Variants in AEN observed in about 807,000 individuals in gnomAD.
AEN encodes the protein apoptosis enhancing nuclease.
A neutral mutation model predicts 17.7 loss-of-function variants in AEN; 21 were observed. The ratio of observed to expected loss-of-function variants is 1.19; its 90% CI spans 0.84 to 1.71. The LOEUF (loss-of-function observed/expected upper bound fraction) is 1.71. AEN is among the 40% of genes most tolerant of loss of function. The pLI is 0.00. For missense variants in AEN, 462 were observed against 435.9 expected, an observed-to-expected ratio of 1.06 and a Z score of -0.53; for synonymous variants, 190 against 173.0, an observed-to-expected ratio of 1.10 and a Z score of -0.77.
At chr15:88,624,908 T>C (rs1202795607) in intron 1 of AEN, among the ~76,000 whole-genome samples, 1 of 146,974 alleles carries the variant, frequency 6.8e-6, no homozygotes, top group Non-Finnish European at 1.5e-5. Context: ...TAAACCCTGC[T>C]CTGCCTGACT....
At chr15:88,608,367 A>T in the AEN span, among the ~76,000 whole-genome samples, 1 of 152,314 alleles carries the variant, frequency 6.6e-6, no homozygotes, top group Non-Finnish European at 1.5e-5. Context: ...TTACTTCAAC[A>T]TACCTGCCTT....
In AEN at chr15:88,629,385, C is replaced by G; in HGVS notation, c.700C>G (p.Leu234Val). ...CCTCCACACCCGGGCCCGGGTCTCT[C>G]TAAAGGACCTGGCCCTGCAGCTGCT... is the stretch of plus-strand genomic sequence containing the variant. ...PGLHTRARVS[L>V]KDLALQLLHK... The change falls in exon 3 of 4, where the codon CTA (leucine) becomes GTA (valine). Residue 234 changes from leucine (L) to valine (V), a missense_variant. Coordinates refer to ENST00000332810, the MANE Select transcript of AEN (RefSeq NM_022767.4). The G allele has an allele frequency of 6.2e-7, 1 of 1,614,142 alleles. No individual in the cohort carries two copies. The highest frequency in any genetic ancestry group is 1.1e-5 in the South Asian group (1 of 91,084).
At chr15:88,623,260 A>G (rs2057810583) in intron 1 of AEN, among the ~76,000 whole-genome samples, 1 of 152,176 alleles carries the variant, frequency 6.6e-6, no homozygotes, top group Admixed American at 6.5e-5. Context: ...CCTGGAAAGG[A>G]TGGGATGAGC....
upstream of AEN, chr15:88,621,184 T>C (rs966991587): frequency 1.3e-5 from 2 of 152,302 alleles, no homozygotes; most frequent in Non-Finnish European, 2.9e-5. Context: ...TTACGCCCTC[T>C]TCAGGAGTCC....
chr15:88,624,883 C>CAAAAAAAA (rs10701067), intron 1 of AEN, among the ~76,000 whole-genome samples: 219 of 148,592 alleles, frequency 1.5e-3, no homozygotes, highest in East Asian at 3.6e-3. Flanking sequence ...AACTCCGCCT[C>CAAAAAAAA]AAAAAATGCC....
chr15:88,608,097 A>T, the AEN span: 4 of 525,208 alleles, frequency 7.6e-6, no homozygotes, highest in South Asian at 4.2e-5. Context: ...AAGATAACTG[A>T]GCTCTTATTG....
upstream of AEN, among the ~76,000 whole-genome samples, chr15:88,619,468 T>A (rs1372737480): frequency 2.0e-5 from 3 of 152,164 alleles, no homozygotes; most frequent in Non-Finnish European, 2.9e-5. Flanking sequence ...GGTGGGTGGA[T>A]CACGAGGTCG....
chr15:88,611,826 T>C, the AEN span: 1 of 517,200 alleles, frequency 1.9e-6, no homozygotes, highest in Admixed American at 2.0e-5. Flanking sequence ...AGAACTGGCC[T>C]GGATACAGAG....
chr15:88,615,927 G>A, the AEN span, among the ~76,000 whole-genome samples: 16 of 152,150 alleles, frequency 1.1e-4, no homozygotes, highest in African/African-American at 3.1e-4. Context: ...ATTTGTAAAT[G>A]CAAAACAGGT....
intron 2 of AEN, 72 bp downstream of exon 2, chr15:88,626,821 C>G: frequency 6.7e-7 from 1 of 1,495,422 alleles, no homozygotes; most frequent in South Asian, 1.2e-5. Context: ...TTTGAATCAC[C>G]ACTTTGCTTC....
chr15:88,607,301 C>T, the AEN span, among the ~76,000 whole-genome samples: 1,474 of 152,374 alleles, frequency 9.7e-3, 27 homozygotes, highest in South Asian at 0.043. Context: ...TTCTAATCCT[C>T]TGAGTTTTTC....
At chr15:88,622,305 G>A (rs2057797856) in intron 1 of AEN, among the ~76,000 whole-genome samples, 1 of 152,202 alleles carries the variant, frequency 6.6e-6, no homozygotes, top group South Asian at 2.1e-4. Flanking sequence ...TATCTGAGCG[G>A]AACTTCTCTC....
chr15:88,626,351 CA>C lies in AEN; in HGVS notation c.143del (p.Gln48ArgfsTer6). On this transcript the variant is annotated frameshift_variant, in exon 2 of 4. Coordinates refer to ENST00000332810, the MANE Select transcript of AEN (RefSeq NM_022767.4). LOFTEE classifies it high-confidence loss of function. ...QRFMARKALL[Q>X]EQGLLSMPPE... The stretch of plus-strand genomic sequence containing the variant: ...GTTCATGGCCCGGAAGGCCTTGCTG[CA>C]GGAGCAGGGGCTGCTGAGCATGCCT... The C allele has an allele frequency of 6.2e-7, 1 of 1,613,262 alleles. No homozygotes were observed.
At chr15:88,608,241 A>G in the AEN span, 2 of 484,712 alleles carry the variant, frequency 4.1e-6, no homozygotes, top group Non-Finnish European at 8.9e-6. Flanking sequence ...CCTTAGTTCC[A>G]TCCAGTAGCA....
chr15:88,629,294 G>GT lies in AEN; in HGVS notation c.610dup (p.Tyr204LeufsTer88). ...TGCACAACGACTTCCAGGCGCTCAA[G>GT]TATGTCCACCCTCGGAGCCAGACCC... On this transcript the variant is annotated frameshift_variant, in exon 3 of 4. Coordinates refer to ENST00000332810, the MANE Select transcript of AEN (RefSeq NM_022767.4). LOFTEE classifies it high-confidence loss of function. 6.2e-7 allele frequency: 1 copy of GT among 1,614,160 alleles called. No individual in the cohort carries two copies. Among genetic ancestry groups the GT allele is most frequent in the Admixed American group, 1.7e-5 (1 of 60,018 alleles).
chr15:88,629,307 C>G lies in AEN; in HGVS notation c.622C>G (p.Arg208Gly), dbSNP rs141881614. 13 of 1,614,010 alleles carry G rather than the reference C, an allele frequency of 8.1e-6. No homozygotes were observed. The Admixed American group carries it at 2.2e-4, about 27-fold the overall frequency. ...CCAGGCGCTCAAGTATGTCCACCCT[C>G]GGAGCCAGACCCGGGATACGACCTA... is the stretch of plus-strand genomic sequence containing the variant. The part of the protein sequence containing the change: ...DFQALKYVHP[R>G]SQTRDTTYVP... Residue 208 changes from arginine to glycine, a missense_variant, in exon 3 of 4, where the codon CGG becomes GGG. Arg to Gly is a moderately radical substitution (Grantham distance 125). Transcript: ENST00000332810.
upstream of AEN, among the ~76,000 whole-genome samples, chr15:88,619,087 T>C (rs1228370586): frequency 1.3e-5 from 2 of 152,212 alleles, no homozygotes; most frequent in African/African-American, 4.8e-5. Flanking sequence ...AACAACATGA[T>C]TAGATCCTCC....
At chr15:88,623,578 G>A (rs1280577123) in intron 1 of AEN, among the ~76,000 whole-genome samples, 1 of 152,204 alleles carries the variant, frequency 6.6e-6, no homozygotes, top group Admixed American at 6.5e-5. Context: ...GGTAGACTGT[G>A]TGTACCAATG....
chr15:88,630,429 G>T lies in AEN; in HGVS notation c.*135G>T, dbSNP rs752107672. 8.2e-6 allele frequency: 6 copies of T among 735,208 alleles called. No individual in the cohort carries two copies. The East Asian group carries it at 1.4e-4, about 17-fold the overall frequency. 45.5% of individuals were successfully genotyped at this position (735,208 alleles called of 1,614,324 possible). A position where few individuals can be genotyped will look rare whatever the true frequency, so the allele number is the denominator to read the frequency against. ...CCAGCCCCAGGGCCAGAGGAGTAGG[G>T]GTCATCTGTTACCTTGACACCCTCT... On this transcript the variant is annotated 3_prime_UTR_variant, in exon 4 of 4. Transcript: ENST00000332810. This position sits in a 1 kb window ranked among gnomAD's most constrained non-coding sequence, Gnocchi z 5.1.
Sources: allele counts gnomAD v4.1 joint callset (sites outside exome capture counted in the v4.1 genomes callset), GRCh38; gene constraint gnomAD v4.1.1; non-coding constraint Gnocchi (gnomAD v3.1); transcripts MANE v1.5; gene names NCBI Gene and HGNC (gene_info 2026-07-23, HGNC 2026-07-21).